PTPRD: variants seen among roughly 807,000 people sequenced by gnomAD.
PTPRD encodes receptor-type tyrosine-protein phosphatase delta.
PTPRD carries 34 observed loss-of-function variants against 214.5 expected under a neutral mutation model. That is an observed-to-expected ratio of 0.16 (90% confidence interval 0.12 to 0.21). The LOEUF (loss-of-function observed/expected upper bound fraction) is 0.21, where lower values mean the gene tolerates loss of function less well. Ranked by LOEUF, PTPRD falls within the 10% of genes least tolerant of loss-of-function variation. PTPRD has a pLI of 1.00. For missense variants in PTPRD, 2,545 were observed against 2,398.7 expected, an observed-to-expected ratio of 1.06 and a Z score of -1.27; for synonymous variants, 1,128 against 845.7, an observed-to-expected ratio of 1.33 and a Z score of -5.79.
At chr9:8,703,625 C>G (rs1276313005) in intron 12 of PTPRD, among the ~76,000 whole-genome samples, 1 of 152,072 alleles carries the variant, frequency 6.6e-6, no homozygotes, top group Non-Finnish European at 1.5e-5. Context: ...GACTTCTCAT[C>G]CTCACCTCTA....
At chr9:10,592,823 A>T (rs2075788110) in intron 2 of PTPRD, among the ~76,000 whole-genome samples, 1 of 151,896 alleles carries the variant, frequency 6.6e-6, no homozygotes, top group Admixed American at 6.6e-5. Context: ...GGATTGAAAA[A>T]CGGGAACACT....
At chr9:8,573,353 G>A (rs1337115665) in intron 14 of PTPRD, among the ~76,000 whole-genome samples, 1 of 151,912 alleles carries the variant, frequency 6.6e-6, no homozygotes, top group African/African-American at 2.4e-5. Context: ...TGAAAAGATA[G>A]GCAAAGTAGT....
intron 9 of PTPRD, among the ~76,000 whole-genome samples, chr9:9,215,928 T>C (rs1471543826): frequency 6.6e-6 from 1 of 152,160 alleles, no homozygotes; most frequent in Non-Finnish European, 1.5e-5. Context: ...TACACTCTGC[T>C]AGATGAGGGG....
chr9:9,980,812 G>T (rs968837768), intron 4 of PTPRD, among the ~76,000 whole-genome samples: 5 of 151,426 alleles, frequency 3.3e-5, no homozygotes, highest in African/African-American at 9.7e-5. Context: ...TAGGCAAAGC[G>T]TATTTATAGG....
intron 7 of PTPRD, among the ~76,000 whole-genome samples, chr9:9,728,777 C>G (rs537749256): frequency 3.3e-5 from 5 of 152,236 alleles, no homozygotes; most frequent in Non-Finnish European, 5.9e-5. Context: ...TAAAAGAATG[C>G]TGTCCATTTT....
intron 9 of PTPRD, among the ~76,000 whole-genome samples, chr9:9,325,881 T>C (rs1969828920): frequency 6.6e-6 from 1 of 152,218 alleles, no homozygotes; most frequent in Non-Finnish European, 1.5e-5. Flanking sequence ...ATACTTAGTT[T>C]ATTGAGAGTT....
At position 8,460,498 on chromosome 9, in the gene PTPRD, T is replaced by C. The variant is rs762979665; in HGVS notation, c.3788A>G (p.Glu1263Gly). ...MDLDPQPITD[E>G]EEGLIWVVGP... ...TACAACCCAGATCAAGCCTTCTTCTTCATCCGTGATTGGCTGCGGATCCAG... is the reference window on the plus strand; with the variant it reads ...TACAACCCAGATCAAGCCTTCTTCTCCATCCGTGATTGGCTGCGGATCCAG... Residue 1263 changes from glutamate to glycine, a missense_variant, in exon 33 of 46, where the codon GAA becomes GGA. Glu to Gly is a moderately conservative substitution (Grantham distance 98). Transcript: ENST00000381196. The C allele has an allele frequency of 6.2e-7, 1 of 1,613,560 alleles. No individual in the cohort carries two copies. Among genetic ancestry groups the C allele is most frequent in the Admixed American group, 1.7e-5 (1 of 59,908 alleles).
rs867338729 is a variant in PTPRD, at chr9:8,799,928, T to C, written c.-103-65982A>G. ...TTTCCCAGACACACAAAAAACTTTT[T>C]GTTTTCAGGCAAATACCAGTAAGAT... On this transcript the variant is annotated intron_variant, in intron 11 of 45. Coordinates refer to ENST00000381196, the MANE Select transcript of PTPRD (RefSeq NM_002839.4). 6.1e-4 allele frequency among the ~76,000 whole-genome samples: 93 copies of C among 152,158 alleles called. 1 individual carries two copies. Among genetic ancestry groups the C allele is most frequent in the African/African-American group, 2.1e-3 (88 of 41,512 alleles).
chr9:8,737,684 T>A lies in PTPRD; in HGVS notation c.-103-3738A>T, dbSNP rs575750608. Among the ~76,000 whole-genome samples the A allele has an allele frequency of 3.2e-3, 487 of 152,304 alleles. 3 individuals carry two copies. Among genetic ancestry groups the A allele is most frequent in the African/African-American group, 0.011 (443 of 41,586 alleles). ...TCTTTCTTGAGACAGAGTCTCACTC[T>A]CTGTCAAGCAGGCTGGAGTGCAGTG... On this transcript the variant is annotated intron_variant, in intron 11 of 45. Coordinates refer to ENST00000381196, the MANE Select transcript of PTPRD (RefSeq NM_002839.4).
intron 3 of PTPRD, among the ~76,000 whole-genome samples, chr9:10,086,455 G>A (rs1373723198): frequency 6.6e-6 from 1 of 151,764 alleles, no homozygotes; most frequent in Non-Finnish European, 1.5e-5. Flanking sequence ...ACTATTGCCT[G>A]TCTCAGTGGT....
chr9:9,438,960 G>A (rs1239439993), intron 8 of PTPRD, among the ~76,000 whole-genome samples: 1 of 152,102 alleles, frequency 6.6e-6, no homozygotes, highest in Non-Finnish European at 1.5e-5. Flanking sequence ...AGTCTGTGGT[G>A]TTAATATGGA....
intron 11 of PTPRD, among the ~76,000 whole-genome samples, chr9:8,990,283 T>C (rs758370198): frequency 2.0e-5 from 3 of 152,190 alleles, no homozygotes; most frequent in Non-Finnish European, 2.9e-5. Flanking sequence ...TAGCCATTGT[T>C]AAATGATTCT....
intron 5 of PTPRD, among the ~76,000 whole-genome samples, chr9:9,811,711 A>T (rs780187068): frequency 3.9e-5 from 6 of 152,154 alleles, no homozygotes; most frequent in Non-Finnish European, 7.3e-5. Flanking sequence ...CATCTCAAAA[A>T]CAAAACAAAA....
intron 10 of PTPRD, among the ~76,000 whole-genome samples, chr9:9,090,222 C>T (rs1422097051): frequency 6.6e-6 from 1 of 152,008 alleles, no homozygotes; most frequent in African/African-American, 2.4e-5. Flanking sequence ...CCTCCATACC[C>T]TTCTCAGCCT....
chr9:9,213,896 G>GT (rs767287332), intron 9 of PTPRD, among the ~76,000 whole-genome samples: 54 of 152,024 alleles, frequency 3.6e-4, no homozygotes, highest in East Asian at 7.8e-4. Flanking sequence ...GTTCAGCTTT[G>GT]TTTTTTGTGT....
intron 8 of PTPRD, among the ~76,000 whole-genome samples, chr9:9,560,889 G>C (rs993711927): frequency 6.6e-6 from 1 of 152,044 alleles, no homozygotes; most frequent in African/African-American, 2.4e-5. Context: ...TGCCTTCATG[G>C]TCAGTAGCTT....
intron 3 of PTPRD, among the ~76,000 whole-genome samples, chr9:10,308,024 A>G (rs10959037): frequency 0.12 from 18,532 of 151,688 alleles, 1,247 homozygotes; most frequent in Non-Finnish European, 0.15. Context: ...TTGTCTCTTC[A>G]CTTTCTTGAT....
intron 11 of PTPRD, among the ~76,000 whole-genome samples, chr9:8,758,259 T>A (rs1157401174): frequency 6.6e-6 from 1 of 152,166 alleles, no homozygotes; most frequent in African/African-American, 2.4e-5. Flanking sequence ...ATAATTTGAG[T>A]GACTCCTCAA....
At chr9:8,864,584 G>C (rs547741093) in intron 11 of PTPRD, among the ~76,000 whole-genome samples, 2 of 152,146 alleles carry the variant, frequency 1.3e-5, no homozygotes, top group Admixed American at 1.3e-4. Context: ...CTTTCTAACA[G>C]GGTTTCAGAG....
Sources: gnomAD v4.1 joint callset for allele counts (sites outside exome capture counted in the v4.1 genomes callset) on GRCh38, gnomAD v4.1.1 for gene constraint, MANE v1.5 for transcripts, NCBI Gene and HGNC (gene_info 2026-07-23, HGNC 2026-07-21) for gene names.